The following ATP2A3 variants were observed in gnomAD, a reference collection of about 807,000 sequenced individuals.
ATP2A3 encodes the protein sarcoplasmic/endoplasmic reticulum calcium ATPase 3.
ATP2A3 carries 61 observed loss-of-function variants against 106.8 expected under a neutral mutation model. The observed-to-expected ratio is 0.57, with a 90% CI of 0.46 to 0.71. The LOEUF (loss-of-function observed/expected upper bound fraction) is 0.71, where lower values mean the gene tolerates loss of function less well. Among genes scored for constraint, ATP2A3 ranks in the 30% least tolerant of loss-of-function variants. The probability of loss-of-function intolerance (pLI) is 0.00; values close to 1 mark genes in which losing one functional copy is unlikely to be tolerated. For missense variants in ATP2A3, 1,201 were observed against 1,423.5 expected, an observed-to-expected ratio of 0.84 and a Z score of 2.52; for synonymous variants, 611 against 609.3, an observed-to-expected ratio of 1.00 and a Z score of -0.04.
At position 3,955,323 on chromosome 17, in the gene ATP2A3, G is replaced by T. The variant is rs1472489819; in HGVS notation, c.119-1613C>A. Among the ~76,000 whole-genome samples, 1 of 152,268 alleles carries T rather than the reference G, an allele frequency of 6.6e-6. No homozygotes were observed. Among genetic ancestry groups the T allele is most frequent in the Non-Finnish European group, 1.5e-5 (1 of 68,024 alleles). On this transcript the variant is annotated intron_variant, in intron 1 of 20. Transcript: ENST00000397041. This position sits in a 1 kb window ranked among gnomAD's most constrained non-coding sequence, Gnocchi z 4.2. ...GGACCACCTGTTTGGAAGCTTTGGG[G>T]TCTGCACCTGGCAGCTGAACCCTGG...
In ATP2A3 at chr17:3,936,126, GC is replaced by G. The variant is rs2053428358; in HGVS notation, c.2524+140del. On this transcript the variant is annotated intron_variant, in intron 16 of 20. Coordinates refer to ENST00000397041, the MANE Select transcript of ATP2A3 (RefSeq NM_005173.4). This position sits in a 1 kb window ranked among gnomAD's most constrained non-coding sequence, Gnocchi z 5.4. ...GATACTGAGACCCAGATCCCGCCATGCCTGGTCTTTTCCATTACATGAGCTC... is the reference window on the plus strand; with the variant it reads ...GATACTGAGACCCAGATCCCGCCATGCTGGTCTTTTCCATTACATGAGCTC... 1.8e-6 allele frequency: 2 copies of G among 1,116,796 alleles called. No individual in the cohort carries two copies. The highest frequency in any genetic ancestry group is 2.6e-5 in the South Asian group (2 of 76,322). The allele number at this position is 1,116,796 out of a possible 1,614,324, so 69.2% of individuals were successfully genotyped here.
intron 17 of ATP2A3, among the ~76,000 whole-genome samples, chr17:3,932,290 C>A (rs1045856269): frequency 2.0e-5 from 3 of 152,096 alleles, no homozygotes; most frequent in Admixed American, 6.6e-5. Context: ...ACTACAGGCA[C>A]CCGCCACCAC....
rs1474846198 is a variant in ATP2A3, at chr17:3,955,929, T to C, written c.119-2219A>G. Among the ~76,000 whole-genome samples, 2 of 151,876 alleles carry C rather than the reference T, an allele frequency of 1.3e-5. No individual in the cohort carries two copies. The highest frequency in any genetic ancestry group is 4.8e-5 in the African/African-American group (2 of 41,300). On this transcript the variant is annotated intron_variant, in intron 1 of 20. Transcript: ENST00000397041. This position sits in a 1 kb window ranked among gnomAD's most constrained non-coding sequence, Gnocchi z 4.2. ...TGGAGTCTTGCTCTCTCGCCCAGGCTGGAGCGCAGTGGCGGGATCTTGGCT... is the reference window on the plus strand; with the variant it reads ...TGGAGTCTTGCTCTCTCGCCCAGGCCGGAGCGCAGTGGCGGGATCTTGGCT...
chr17:3,946,886 C>T (rs538786719), intron 8 of ATP2A3, among the ~76,000 whole-genome samples: 4 of 152,304 alleles, frequency 2.6e-5, no homozygotes, highest in Admixed American at 1.3e-4. Flanking sequence ...ATCCCTTGGC[C>T]GTGTGGGCAG....
Position 3,928,501 on chromosome 17 carries a change from G to C in ATP2A3, c.2980+162C>G, listed in dbSNP as rs2052845576. On this transcript the variant is annotated intron_variant, in intron 20 of 20. Transcript: ENST00000397041. The surrounding 1 kb of genome is among the most constrained non-coding windows in gnomAD (Gnocchi z 6.1). ...GACCCTGCGGACACCTTGGGACCCA[G>C]CCACCAGAGCCCCTTCACACCCTCC... 20 of 940,036 alleles carry C rather than the reference G, an allele frequency of 2.1e-5. No individual in the cohort carries two copies. In the South Asian group the frequency reaches 2.9e-4, roughly 14 times the overall value. 58.2% of individuals were successfully genotyped at this position (940,036 alleles called of 1,614,324 possible). A position where few individuals can be genotyped will look rare whatever the true frequency, so the allele number is the denominator to read the frequency against.
chr17:3,947,319 G>T lies in ATP2A3; in HGVS notation c.1095+72C>A, dbSNP rs900199852. The stretch of plus-strand genomic sequence containing the variant: ...CTCCATCCCTCACTGAAAAGGAGGT[G>T]GGGGAGAGACCCAGAGAGGGAGCCC... On this transcript the variant is annotated intron_variant, in intron 8 of 20. Coordinates refer to ENST00000397041, the MANE Select transcript of ATP2A3 (RefSeq NM_005173.4). This position sits in a 1 kb window ranked among gnomAD's most constrained non-coding sequence, Gnocchi z 7.7. 4.5e-6 allele frequency: 7 copies of T among 1,555,240 alleles called. No homozygotes were observed. In the African/African-American group the frequency reaches 5.4e-5, roughly 12 times the overall value.
At position 3,924,879 on chromosome 17, in the gene ATP2A3, C is replaced by T. The variant is rs2052620621; in HGVS notation, c.*543G>A. ...AGCAGAGTGGAGTGGAGGGGGCTGC[C>T]CACCCTCGCTGTACACAGCTGGGCC... On this transcript the variant is annotated 3_prime_UTR_variant, in exon 21 of 21. Transcript: ENST00000397041. The surrounding 1 kb of genome is among the most constrained non-coding windows in gnomAD (Gnocchi z 6.4). 1 of 456,708 alleles carries T rather than the reference C, an allele frequency of 2.2e-6. No individual in the cohort carries two copies. Among genetic ancestry groups the T allele is most frequent in the Admixed American group, 2.4e-5 (1 of 42,538 alleles). The allele number at this position is 456,708 out of a possible 1,614,324, so 28.3% of individuals were successfully genotyped here. A position where few individuals can be genotyped will look rare whatever the true frequency, so the allele number is the denominator to read the frequency against.
At chr17:3,963,958 T>TC (rs1229900473) in intron 1 of ATP2A3, among the ~76,000 whole-genome samples, 1 of 151,864 alleles carries the variant, frequency 6.6e-6, no homozygotes, top group African/African-American at 2.4e-5. Flanking sequence ...GCGTCCGGTC[T>TC]CCCCAGCTGG....
rs566909510 is a variant in ATP2A3 at position 3,951,434 on chromosome 17, C to CG, written c.325-46dup. 2,568 of 1,612,736 alleles carry CG rather than the reference C, an allele frequency of 1.6e-3. 54 individuals are homozygous for CG. In the South Asian group the frequency reaches 0.026, roughly 17 times the overall value. On this transcript the variant is annotated intron_variant, in intron 4 of 20. Transcript: ENST00000397041. ...CAGGCAGTCTGTCCCTGCTGCCCCCCGCAGACCACCCCCTTGGAGTGACTC... is the reference window on the plus strand; with the variant it reads ...CAGGCAGTCTGTCCCTGCTGCCCCCCGGCAGACCACCCCCTTGGAGTGACTC...
chr17:3,927,994 C>G, intron 20 of ATP2A3: 1 of 1,614,080 alleles, frequency 6.2e-7, no homozygotes, highest in Non-Finnish European at 8.5e-7. Context: ...TGCTTCCTCC[C>G]TCTCTGAGCA....
intron 17 of ATP2A3, among the ~76,000 whole-genome samples, chr17:3,931,514 A>T (rs1039519465): frequency 6.8e-6 from 1 of 147,876 alleles, no homozygotes; most frequent in Admixed American, 6.7e-5. Flanking sequence ...GAACATGGAG[A>T]TCTTTTTTCT....
chr17:3,948,785 C>T (rs1374861611), intron 7 of ATP2A3, among the ~76,000 whole-genome samples: 1 of 152,086 alleles, frequency 6.6e-6, no homozygotes. Context: ...CCCTCCCCAC[C>T]CCAAGGCATC....
intron 7 of ATP2A3, among the ~76,000 whole-genome samples, chr17:3,949,385 T>C (rs1190924014): frequency 6.6e-6 from 1 of 152,194 alleles, no homozygotes; most frequent in Non-Finnish European, 1.5e-5. Flanking sequence ...CCCATCACTA[T>C]CCCTGAGAAG....
At position 3,935,007 on chromosome 17, in the gene ATP2A3, C is replaced by T. The variant is rs1157194163; in HGVS notation, c.2610+185G>A. The T allele has an allele frequency of 2.0e-4, 130 of 650,084 alleles. No homozygotes were observed. In the South Asian group the frequency reaches 2.2e-3, roughly 11 times the overall value. 40.3% of individuals were successfully genotyped at this position (650,084 alleles called of 1,614,324 possible). A position where few individuals can be genotyped will look rare whatever the true frequency, so the allele number is the denominator to read the frequency against. On this transcript the variant is annotated intron_variant, in intron 17 of 20. Coordinates refer to ENST00000397041, the MANE Select transcript of ATP2A3 (RefSeq NM_005173.4). ...GGGAGGCGCCTTTGGCTTGGGGGTC[C>T]GTGCTGGTGTCTCTGGGTTTCCCGT...
intron 17 of ATP2A3, among the ~76,000 whole-genome samples, chr17:3,931,836 A>G (rs894548466): frequency 2.0e-5 from 3 of 152,124 alleles, no homozygotes; most frequent in Non-Finnish European, 4.4e-5. Flanking sequence ...GATCTTTTAA[A>G]TTAGAAATTG....
Position 3,951,495 on chromosome 17 carries a change from T to G in ATP2A3, c.324+86A>C, listed in dbSNP as rs1477323185. 3.2e-6 allele frequency: 5 copies of G among 1,580,688 alleles called. No individual in the cohort carries two copies. The African/African-American group carries it at 6.8e-5, about 21-fold the overall frequency. ...TGGGATGGAGGTGGAAGCAGGAGAGTCTGCAGGACGCCAGCACCAGGTGGA... is the reference window on the plus strand; with the variant it reads ...TGGGATGGAGGTGGAAGCAGGAGAGGCTGCAGGACGCCAGCACCAGGTGGA... On this transcript the variant is annotated intron_variant, in intron 4 of 20. Coordinates refer to ENST00000397041, the MANE Select transcript of ATP2A3 (RefSeq NM_005173.4).
Position 3,953,238 on chromosome 17 carries a change from C to A in ATP2A3, c.219+109G>T. The A allele has an allele frequency of 7.9e-7, 1 of 1,269,600 alleles. No homozygotes were observed. Among genetic ancestry groups the A allele is most frequent in the Non-Finnish European group, 1.2e-6 (1 of 868,614 alleles). 78.6% of individuals were successfully genotyped at this position (1,269,600 alleles called of 1,614,324 possible). A position where few individuals can be genotyped will look rare whatever the true frequency, so the allele number is the denominator to read the frequency against. On this transcript the variant is annotated intron_variant, in intron 3 of 20. Coordinates refer to ENST00000397041, the MANE Select transcript of ATP2A3 (RefSeq NM_005173.4). The surrounding 1 kb of genome is among the most constrained non-coding windows in gnomAD (Gnocchi z 5.1). ...GCCAGGGAAGGCCAGGGCGCAGGCC[C>A]AGGGTGTGGAGGACAGGCCCAGGCT...
chr17:3,927,666 C>T, intron 20 of ATP2A3: 1 of 985,152 alleles, frequency 1.0e-6, no homozygotes, highest in Non-Finnish European at 1.2e-6. Context: ...CTCCCCCCAC[C>T]CCCACCCATT....
chr17:3,945,657 A>G (rs373755088), intron 8 of ATP2A3, among the ~76,000 whole-genome samples: 40 of 152,310 alleles, frequency 2.6e-4, no homozygotes, highest in African/African-American at 8.7e-4. Flanking sequence ...CCCCTGCCAC[A>G]GGGCCTGCTG....
Sources: gnomAD v4.1 joint callset for allele counts (sites outside exome capture counted in the v4.1 genomes callset) on GRCh38, gnomAD v4.1.1 for gene constraint, Gnocchi (gnomAD v3.1) non-coding constraint, MANE v1.5 for transcripts, NCBI Gene and HGNC (gene_info 2026-07-23, HGNC 2026-07-21) for gene names.